Variants in RPP30 observed in about 807,000 individuals in gnomAD.
RPP30 encodes the protein ribonuclease P/MRP subunit p30.
Under a neutral mutation model 38.6 loss-of-function variants are expected in RPP30, and 36 were observed. The ratio of observed to expected loss-of-function variants is 0.93; its 90% CI spans 0.71 to 1.23. The LOEUF (loss-of-function observed/expected upper bound fraction) is 1.23. RPP30 is among the 50% of genes most tolerant of loss of function. RPP30 has a pLI of 0.00. For missense variants in RPP30, 321 were observed against 321.7 expected (o/e 1.00, Z 0.02); for synonymous variants, 126 against 112.7 (o/e 1.12, Z -0.75).
intron 3 of RPP30, 58 bp from the exon 4 acceptor site, chr10:90,875,966 A>C: frequency 9.7e-7 from 1 of 1,029,286 alleles, no homozygotes; most frequent in South Asian, 1.3e-5. Flanking sequence ...CCACTGGTAA[A>C]AAGGAAAATC....
chr10:90,873,411 A>G (rs1023578027), intron 1 of RPP30, among the ~76,000 whole-genome samples: 3 of 152,248 alleles, frequency 2.0e-5, no homozygotes, highest in Non-Finnish European at 2.9e-5. Flanking sequence ...CTGCTCTGCT[A>G]TTTGATGAGT....
At chr10:90,904,578 C>T (rs938982652), downstream of RPP30, among the ~76,000 whole-genome samples, 14 of 152,072 alleles carry the variant, frequency 9.2e-5, no homozygotes, top group African/African-American at 3.4e-4. Context: ...TTCAGGAGGC[C>T]AAGGAGGGCG....
chr10:90,896,404 C>G lies in RPP30; in HGVS notation c.697+12C>G. 1 of 1,608,814 alleles carries G rather than the reference C, an allele frequency of 6.2e-7. No homozygotes were observed. The highest frequency in any genetic ancestry group is 8.5e-7 in the Non-Finnish European group (1 of 1,175,156). Reference sequence around the variant, plus strand: ...GCTTCTCCATGGAGGTAAGCAAGTTCTTCCAGTACAAACTGAATGGTCATG... The same window carrying G: ...GCTTCTCCATGGAGGTAAGCAAGTTGTTCCAGTACAAACTGAATGGTCATG... On this transcript the variant is annotated intron_variant, in intron 10 of 10. Coordinates refer to ENST00000371703, the MANE Select transcript of RPP30 (RefSeq NM_006413.5).
chr10:90,882,534 G>A (rs1029590861), intron 5 of RPP30, among the ~76,000 whole-genome samples: 15 of 152,116 alleles, frequency 9.9e-5, no homozygotes, highest in Admixed American at 4.6e-4. Flanking sequence ...ATGGTGGCGG[G>A]CACCTGTAGT....
intron 5 of RPP30, among the ~76,000 whole-genome samples, chr10:90,879,851 G>A (rs967956515): frequency 2.6e-5 from 4 of 152,150 alleles, no homozygotes; most frequent in Non-Finnish European, 5.9e-5. Context: ...GTAAAATGAG[G>A]TATAGCTACT....
At chr10:90,904,902 A>C (rs1430586054), downstream of RPP30, among the ~76,000 whole-genome samples, 1 of 152,226 alleles carries the variant, frequency 6.6e-6, no homozygotes, top group African/African-American at 2.4e-5. Flanking sequence ...GGAAAAAACT[A>C]AGTCAAATCT....
downstream of RPP30, among the ~76,000 whole-genome samples, chr10:90,904,654 A>G (rs1270891340): frequency 6.6e-6 from 1 of 152,130 alleles, no homozygotes; most frequent in African/African-American, 2.4e-5. Flanking sequence ...CTCTACTAAA[A>G]ATACAAAATC....
At chr10:90,884,952 A>G (rs1476099744) in intron 5 of RPP30, among the ~76,000 whole-genome samples, 1 of 152,212 alleles carries the variant, frequency 6.6e-6, no homozygotes, top group African/African-American at 2.4e-5. Flanking sequence ...TTTTATCACT[A>G]TAAATCAAAT....
At chr10:90,884,597 A>T (rs949096154) in intron 5 of RPP30, among the ~76,000 whole-genome samples, 4 of 152,180 alleles carry the variant, frequency 2.6e-5, no homozygotes, top group African/African-American at 9.6e-5. Context: ...ATTTCTGCCA[A>T]AACAACATTG....
chr10:90,901,048 C>A lies in RPP30; in HGVS notation c.*369C>A. The A allele has an allele frequency of 1.7e-6, 1 of 571,702 alleles. No individual in the cohort carries two copies. Among genetic ancestry groups the A allele is most frequent in the Non-Finnish European group, 2.2e-6 (1 of 451,614 alleles). 35.4% of individuals were successfully genotyped at this position (571,702 alleles called of 1,614,324 possible). On this transcript the variant is annotated 3_prime_UTR_variant, in exon 11 of 11. Coordinates refer to ENST00000371703, the MANE Select transcript of RPP30 (RefSeq NM_006413.5). The stretch of plus-strand genomic sequence containing the variant: ...CTGGAGTACAGTGGCATAATCACAG[C>A]TCACTGCAACCTCAATCCTGGGCTC...
chr10:90,880,759 G>T (rs887867366), intron 5 of RPP30, among the ~76,000 whole-genome samples: 1 of 152,100 alleles, frequency 6.6e-6, no homozygotes, highest in African/African-American at 2.4e-5. Flanking sequence ...ATATTCTCAA[G>T]AATTTTGTTT....
At chr10:90,896,223 T>C in intron 9 of RPP30, 90 bp from the exon 10 acceptor site, 3 of 1,110,096 alleles carry the variant, frequency 2.7e-6, no homozygotes, top group Non-Finnish European at 4.1e-6. Context: ...CCTCTCAAGA[T>C]GACCAGGTTA....
chr10:90,895,702 AT>A (rs1847131959), intron 8 of RPP30, 177 bp from the exon 9 acceptor site: 3 of 523,090 alleles, frequency 5.7e-6, no homozygotes, highest in Non-Finnish European at 9.6e-6. Context: ...CTGTTACAAA[AT>A]GCCTTTCAAG....
rs1847206742 is a variant in RPP30 at position 90,901,833 on chromosome 10, T to C, written c.*1154T>C. On this transcript the variant is annotated 3_prime_UTR_variant, in exon 11 of 11. Coordinates refer to ENST00000371703, the MANE Select transcript of RPP30 (RefSeq NM_006413.5). ...TGGAGAAAATACAATTTTTTTTTTT[T>C]TTTTTGAGACAGTCTCGCTCTGTCC... The C allele has an allele frequency of 2.1e-6, 2 of 974,140 alleles. No homozygotes were observed. The highest frequency in any genetic ancestry group is 3.5e-5 in the African/African-American group (2 of 56,840). The allele number at this position is 974,140 out of a possible 1,614,324, so 60.3% of individuals were successfully genotyped here.
At chr10:90,875,917 C>G in intron 3 of RPP30, 107 bp from the exon 4 acceptor site, 1 of 681,914 alleles carries the variant, frequency 1.5e-6, no homozygotes, top group South Asian at 1.8e-5. Flanking sequence ...TATTGATCTT[C>G]ACTATCCCTT....
downstream of RPP30, among the ~76,000 whole-genome samples, chr10:90,907,833 G>C (rs1439764107): frequency 6.6e-6 from 1 of 152,170 alleles, no homozygotes; most frequent in Non-Finnish European, 1.5e-5. Context: ...ATTTACAACA[G>C]ACAGATACTG....
chr10:90,905,174 T>A (rs1847240225), downstream of RPP30: 1 of 152,192 alleles, frequency 6.6e-6, no homozygotes, highest in African/African-American at 2.4e-5. Context: ...TTAAGAATTT[T>A]TTTTTTTTAA....
intron 6 of RPP30, among the ~76,000 whole-genome samples, chr10:90,888,141 A>G (rs182466220): frequency 4.9e-4 from 74 of 152,364 alleles, no homozygotes; most frequent in Admixed American, 1.4e-3. Flanking sequence ...GTTGGGCACT[A>G]TAGCTACTCA....
intron 6 of RPP30, among the ~76,000 whole-genome samples, chr10:90,890,027 T>C (rs11186351): frequency 0.49 from 73,971 of 152,060 alleles, 21,603 homozygotes; most frequent in African/African-American, 0.83. Context: ...GGCCCAGCAG[T>C]TTTGGGATGG....
Sources: gnomAD v4.1 joint callset for allele counts (sites outside exome capture counted in the v4.1 genomes callset) on GRCh38, gnomAD v4.1.1 for gene constraint, MANE v1.5 for transcripts, NCBI Gene and HGNC (gene_info 2026-07-23, HGNC 2026-07-21) for gene names.